COL6A6: variants seen among roughly 807,000 people sequenced by gnomAD.
The protein encoded by COL6A6 is collagen alpha-6(VI) chain.
Under a neutral mutation model 208.6 loss-of-function variants are expected in COL6A6, and 183 were observed. The observed-to-expected ratio is 0.88, with a 90% CI of 0.78 to 0.99. COL6A6 has a LOEUF of 0.99. COL6A6 is among the 50% of genes least tolerant of loss of function. The probability of loss-of-function intolerance (pLI) is 0.00; values close to 1 mark genes in which losing one functional copy is unlikely to be tolerated. For missense variants in COL6A6, 2,816 were observed against 2,815.2 expected (o/e 1.00, Z -0.01); for synonymous variants, 973 against 1,011.8 (o/e 0.96, Z 0.73).
At chr3:130,548,622 C>T (rs765585686) in intron 1 of COL6A6, among the ~76,000 whole-genome samples, 31 of 152,244 alleles carry the variant, frequency 2.0e-4, no homozygotes, top group Non-Finnish European at 3.1e-4. Flanking sequence ...TTGTCTCCTT[C>T]TGCCAGAAGC....
At chr3:130,670,613 G>A (rs1419032029) in intron 36 of COL6A6, among the ~76,000 whole-genome samples, 1 of 152,198 alleles carries the variant, frequency 6.6e-6, no homozygotes, top group Non-Finnish European at 1.5e-5. Context: ...AGACTGGGAG[G>A]CTTAGGGTCA....
chr3:130,661,853 C>T lies in COL6A6; in HGVS notation c.6047C>T (p.Ala2016Val). 6.2e-7 allele frequency: 1 copy of T among 1,613,916 alleles called. No individual in the cohort carries two copies. Among genetic ancestry groups the T allele is most frequent in the Non-Finnish European group, 8.5e-7 (1 of 1,179,846 alleles). Residue 2016 changes from alanine (A) to valine (V), a missense_variant, in exon 35 of 37, where the codon GCT (alanine) becomes GTT (valine). Coordinates refer to ENST00000358511, the MANE Select transcript of COL6A6 (RefSeq NM_001102608.3). ...GACCGGGTGGCCCTATTGAGCCATG[C>T]TCCCCCCGACTTCCTACCCAACACT... ...TGDRVALLSH[A>V]PPDFLPNTQK...
chr3:130,672,125 G>C (rs10512782), intron 36 of COL6A6, among the ~76,000 whole-genome samples: 3,666 of 152,310 alleles, frequency 0.024, 135 homozygotes, highest in East Asian at 0.1. Flanking sequence ...AGTGCATCCA[G>C]TCAACTAATA....
chr3:130,549,819 A>G (rs1055741604), intron 1 of COL6A6, among the ~76,000 whole-genome samples: 23 of 152,202 alleles, frequency 1.5e-4, no homozygotes, highest in Middle Eastern at 3.4e-3. Context: ...AAGTCAGGTA[A>G]TGTGATGCCT....
chr3:130,574,427 G>T lies in COL6A6; in HGVS notation c.3449G>T (p.Gly1150Val), dbSNP rs373338931. The part of the protein sequence containing the change: ...VDDQQLIQIT[G>V]TAEKKLTVHN... ...GACCAGCAGCTCATTCAGATCACCG[G>T]GACTGCAGAGAAAAAACTGACAGTG... The change falls in exon 8 of 37, where the codon GGG (glycine) becomes GTG (valine). Residue 1150 changes from glycine (G) to valine (V), a missense_variant. Coordinates refer to ENST00000358511, the MANE Select transcript of COL6A6 (RefSeq NM_001102608.3). 3.0e-5 allele frequency: 49 copies of T among 1,613,850 alleles called. No homozygotes were observed. The highest frequency in any genetic ancestry group is 4.2e-5 in the Non-Finnish European group (49 of 1,179,898).
In COL6A6 at chr3:130,626,449, A is replaced by G. The variant is rs116038578; in HGVS notation, c.4879-36A>G. 1,538 of 1,510,262 alleles carry G rather than the reference A, an allele frequency of 1.0e-3. 14 individuals are homozygous for G. In the African/African-American group the frequency reaches 0.017, roughly 17 times the overall value. 93.6% of individuals were successfully genotyped at this position (1,510,262 alleles called of 1,614,324 possible). On this transcript the variant is annotated intron_variant, in intron 24 of 36. Transcript: ENST00000358511. ...GAGCTGAATTAGTGCCATCATTTCC[A>G]ATTTCCAACCTAAAAACAATCTTTC... is the stretch of plus-strand genomic sequence containing the variant.
chr3:130,561,766 C>T (rs929294472), intron 2 of COL6A6, among the ~76,000 whole-genome samples: 3 of 150,606 alleles, frequency 2.0e-5, no homozygotes, highest in African/African-American at 7.3e-5. Flanking sequence ...CATTCTCCTG[C>T]CTCAGCCTCC....
intron 19 of COL6A6, 86 bp from the exon 20 acceptor site, chr3:130,599,671 C>A (rs950614125): frequency 1.5e-6 from 2 of 1,372,620 alleles, no homozygotes; most frequent in African/African-American, 2.8e-5. Context: ...ACCTATCTAT[C>A]CTCCCTGGAG....
chr3:130,610,639 A>G lies in COL6A6; in HGVS notation c.4753-10A>G, dbSNP rs1435991504. ...AGGCAAAAAATAATGCTTTAATTCT[A>G]TGTACTTAGGGCCCAAGAGGAGAGG... On this transcript the variant is annotated splice_polypyrimidine_tract_variant and intron_variant, in intron 22 of 36. Coordinates refer to ENST00000358511, the MANE Select transcript of COL6A6 (RefSeq NM_001102608.3). 6.4e-7 allele frequency: 1 copy of G among 1,573,676 alleles called. No homozygotes were observed. Among genetic ancestry groups the G allele is most frequent in the East Asian group, 2.3e-5 (1 of 43,474 alleles).
At chr3:130,571,719 G>T (rs7614949) in intron 7 of COL6A6, among the ~76,000 whole-genome samples, 9,040 of 152,132 alleles carry the variant, frequency 0.059, 933 homozygotes, top group African/African-American at 0.21. Flanking sequence ...CTGTTGCCCA[G>T]GCTGGAGTGC....
At chr3:130,569,358 A>C (rs1461183526) in intron 6 of COL6A6, among the ~76,000 whole-genome samples, 1 of 152,190 alleles carries the variant, frequency 6.6e-6, no homozygotes, top group African/African-American at 2.4e-5. Context: ...TCTTCCCATG[A>C]AACTGCAGAG....
intron 1 of COL6A6, among the ~76,000 whole-genome samples, chr3:130,532,521 G>A (rs560470066): frequency 8.5e-5 from 13 of 152,304 alleles, no homozygotes; most frequent in Non-Finnish European, 1.3e-4. Flanking sequence ...ACTGACCAAA[G>A]CAGGTGACTT....
chr3:130,525,833 A>C (rs554590867), intron 1 of COL6A6, among the ~76,000 whole-genome samples: 10 of 152,220 alleles, frequency 6.6e-5, no homozygotes, highest in African/African-American at 2.4e-4. Flanking sequence ...GGAACATCAC[A>C]TTCCTCCTGG....
chr3:130,642,161 CTCT>C (rs1364372613), intron 29 of COL6A6, among the ~76,000 whole-genome samples: 1 of 151,906 alleles, frequency 6.6e-6, no homozygotes, highest in Admixed American at 6.6e-5. Context: ...AGCCAGACTC[CTCT>C]TCTTCTGAAG....
rs911289988 is a variant in COL6A6, at chr3:130,596,188, G to A, written c.4533+1845G>A. Among the ~76,000 whole-genome samples the A allele has an allele frequency of 2.0e-5, 3 of 152,282 alleles. No homozygotes were observed. In the East Asian group the frequency reaches 5.8e-4, roughly 29 times the overall value. ...GACTAAGTGACATCTTCTGATAATGGTGTCCTGAGAATTTTCAACTTCAAA... is the reference window on the plus strand; with the variant it reads ...GACTAAGTGACATCTTCTGATAATGATGTCCTGAGAATTTTCAACTTCAAA... On this transcript the variant is annotated intron_variant, in intron 18 of 36. Transcript: ENST00000358511.
chr3:130,628,683 C>G (rs1462437081), intron 26 of COL6A6, among the ~76,000 whole-genome samples: 1 of 152,146 alleles, frequency 6.6e-6, no homozygotes, highest in Non-Finnish European at 1.5e-5. Flanking sequence ...AGTTTAGACT[C>G]TCCATAGGCT....
At chr3:130,658,546 G>A in intron 33 of COL6A6, 130 bp from the exon 34 acceptor site, 1 of 634,452 alleles carries the variant, frequency 1.6e-6, no homozygotes, top group Non-Finnish European at 2.8e-6. Context: ...ATGCTTACAT[G>A]CTGTGCCTCC....
chr3:130,598,271 C>A, intron 18 of COL6A6, 94 bp from the exon 19 acceptor site: 2 of 814,762 alleles, frequency 2.5e-6, no homozygotes, highest in South Asian at 1.8e-5. Flanking sequence ...GAATTGTCAA[C>A]TTCTCGAGAG....
intron 1 of COL6A6, among the ~76,000 whole-genome samples, chr3:130,533,671 A>T (rs960920224): frequency 6.6e-6 from 1 of 152,004 alleles, no homozygotes; most frequent in African/African-American, 2.4e-5. Flanking sequence ...TCTGAAGTTG[A>T]TTTGTATTGT....
Sources: gnomAD v4.1 joint callset for allele counts (sites outside exome capture counted in the v4.1 genomes callset) on GRCh38, gnomAD v4.1.1 for gene constraint, MANE v1.5 for transcripts, NCBI Gene and HGNC (gene_info 2026-07-23, HGNC 2026-07-21) for gene names.